EI24: variants seen among roughly 807,000 people sequenced by gnomAD.
The protein encoded by EI24 is EI24 autophagy associated transmembrane protein, also known as etoposide-induced protein 2.4 homolog.
EI24 carries 21 observed loss-of-function variants against 48.6 expected under a neutral mutation model. The ratio of observed to expected loss-of-function variants is 0.43; its 90% CI spans 0.31 to 0.62. The LOEUF is 0.62. EI24 is among the 20% of genes least tolerant of loss of function. The probability of loss-of-function intolerance (pLI) is 0.10; values close to 1 mark genes in which losing one functional copy is unlikely to be tolerated. For synonymous variants in EI24, 114 were observed against 145.5 expected, an observed-to-expected ratio of 0.78 and a Z score of 1.56; for missense variants, 280 against 410.5, an observed-to-expected ratio of 0.68 and a Z score of 2.75.
chr11:125,578,034 C>A (rs1938819445), intron 5 of EI24, 99 bp from the exon 6 acceptor site: 1 of 1,426,594 alleles, frequency 7.0e-7, no homozygotes, highest in South Asian at 1.2e-5. Context: ...CTAGAAAGAT[C>A]CAGGAGGAGA....
At chr11:125,575,983 G>A in intron 3 of EI24, 1 of 429,984 alleles carries the variant, frequency 2.3e-6, no homozygotes, top group Non-Finnish European at 4.3e-6. Context: ...TGGAGACAGG[G>A]TTTTGCCATG....
At chr11:125,578,281 C>T (rs770771291) in intron 6 of EI24, 24 bp downstream of exon 6, 1 of 1,613,386 alleles carries the variant, frequency 6.2e-7, no homozygotes, top group African/African-American at 1.3e-5. Flanking sequence ...AGAATGGAGT[C>T]TGGGTCCCGC....
chr11:125,569,827 G>A (rs1323486304), intron 1 of EI24: 3 of 242,934 alleles, frequency 1.2e-5, no homozygotes, highest in Admixed American at 5.6e-5. Context: ...CGCGTGATCC[G>A]TACCTCGTGC....
At chr11:125,569,734 A>G in intron 1 of EI24, 161 bp downstream of exon 1, 1 of 314,984 alleles carries the variant, frequency 3.2e-6, no homozygotes, top group East Asian at 4.9e-5. Flanking sequence ...GGGGCCGGGC[A>G]CATCCCCGGG....
intron 10 of EI24, 31 bp downstream of exon 10, chr11:125,582,451 T>C (rs995312606): frequency 2.6e-6 from 4 of 1,545,800 alleles, no homozygotes; most frequent in Non-Finnish European, 3.5e-6. Context: ...AAATTTTTGC[T>C]GTGTAAAGGG....
chr11:125,583,692 C>A lies in EI24; in HGVS notation c.*9C>A. Reference sequence around the variant, plus strand: ...CTACTGCAGGTCACTGAGTTGCCTGCCATCCAAAGGGGATGGGCGGGATTG... The same window carrying A: ...CTACTGCAGGTCACTGAGTTGCCTGACATCCAAAGGGGATGGGCGGGATTG... On this transcript the variant is annotated 3_prime_UTR_variant, in exon 11 of 11. Transcript: ENST00000278903. The A allele has an allele frequency of 6.2e-7, 1 of 1,610,210 alleles. No homozygotes were observed. Among genetic ancestry groups the A allele is most frequent in the South Asian group, 1.1e-5 (1 of 90,288 alleles).
intron 9 of EI24, among the ~76,000 whole-genome samples, 179 bp downstream of exon 9, chr11:125,581,501 T>C (rs1310972154): frequency 6.6e-6 from 1 of 151,132 alleles, no homozygotes; most frequent in Non-Finnish European, 1.5e-5. Flanking sequence ...CTATATCCCA[T>C]ATTCTTTTTC....
intron 10 of EI24, among the ~76,000 whole-genome samples, 172 bp downstream of exon 10, chr11:125,582,592 A>G (rs1162906552): frequency 6.6e-6 from 1 of 152,220 alleles, no homozygotes; most frequent in Non-Finnish European, 1.5e-5. Context: ...TTCTCCATGC[A>G]TATATGCACA....
intron 3 of EI24, chr11:125,576,004 T>C (rs1938735095): frequency 2.1e-6 from 1 of 474,492 alleles, no homozygotes; most frequent in African/African-American, 2.0e-5. Context: ...TTGGCCAGGC[T>C]GGTCTCGAAC....
At chr11:125,582,461 G>A in intron 10 of EI24, 41 bp downstream of exon 10, 1 of 1,471,262 alleles carries the variant, frequency 6.8e-7, no homozygotes, top group South Asian at 1.3e-5. Context: ...TGTGTAAAGG[G>A]TTGGGGCTGT....
chr11:125,572,386 T>C (rs900535922), intron 1 of EI24, 72 bp from the exon 2 acceptor site: 9 of 727,568 alleles, frequency 1.2e-5, no homozygotes, highest in South Asian at 3.2e-5. Context: ...GAGGTCATCA[T>C]GTGGAAATGT....
intron 5 of EI24, 117 bp downstream of exon 5, chr11:125,577,687 T>C: frequency 1.1e-6 from 1 of 880,366 alleles, no homozygotes; most frequent in Middle Eastern, 3.4e-4. Context: ...TTATTTTCTT[T>C]TTTGTTGTTT....
rs760187063 is a variant in EI24, at chr11:125,583,725, C to G, written c.*42C>G. The G allele has an allele frequency of 1.4e-5, 22 of 1,590,648 alleles. No individual in the cohort carries two copies. In the East Asian group the frequency reaches 4.8e-4, roughly 35 times the overall value. Reference sequence around the variant, plus strand: ...AGGGGATGGGCGGGATTGGAAGAAGCTGTGGCAGCTCTTTTCCCTGTTCAC... The same window carrying G: ...AGGGGATGGGCGGGATTGGAAGAAGGTGTGGCAGCTCTTTTCCCTGTTCAC... On this transcript the variant is annotated 3_prime_UTR_variant, in exon 11 of 11. Transcript: ENST00000278903.
intron 8 of EI24, among the ~76,000 whole-genome samples, 166 bp downstream of exon 8, chr11:125,580,370 C>T (rs890380831): frequency 7.9e-5 from 12 of 152,158 alleles, no homozygotes; most frequent in Non-Finnish European, 1.6e-4. Context: ...GGGTTTAACT[C>T]TCAACTTTGA....
chr11:125,583,935 C>T lies in EI24; in HGVS notation c.*252C>T, dbSNP rs12420150. ...CCACAGGTTTTTCTGCAGCTATTTT[C>T]TAGCATTTGCCAGTCCCTGTGCCTG... On this transcript the variant is annotated 3_prime_UTR_variant, in exon 11 of 11. Transcript: ENST00000278903. 1 of 511,770 alleles carries T rather than the reference C, an allele frequency of 2.0e-6. No homozygotes were observed. Among genetic ancestry groups the T allele is most frequent in the East Asian group, 3.7e-5 (1 of 27,108 alleles). The allele number at this position is 511,770 out of a possible 1,614,324, so 31.7% of individuals were successfully genotyped here.
In EI24 at chr11:125,582,339, T is replaced by A. The variant is rs1281695570; in HGVS notation, c.786-7T>A. The A allele has an allele frequency of 2.0e-6, 3 of 1,533,936 alleles. No individual in the cohort carries two copies. The highest frequency in any genetic ancestry group is 1.8e-6 in the Non-Finnish European group (2 of 1,142,344). ...ACTAATTATTTCTTTTTTTTTTTTT[T>A]AAACAGTGGCTGCCTTTTCTCTATC... is the stretch of plus-strand genomic sequence containing the variant. On this transcript the variant is annotated splice_region_variant and splice_polypyrimidine_tract_variant and intron_variant, in intron 9 of 10. Coordinates refer to ENST00000278903, the MANE Select transcript of EI24 (RefSeq NM_004879.5).
At position 125,576,221 on chromosome 11, in the gene EI24, G is replaced by A. The variant is rs377304457; in HGVS notation, c.189-34G>A. 1,269 of 1,596,504 alleles carry A rather than the reference G, an allele frequency of 7.9e-4. 1 individual carries two copies. Among genetic ancestry groups the A allele is most frequent in the Non-Finnish European group, 9.9e-4 (1,150 of 1,166,062 alleles). On this transcript the variant is annotated intron_variant, in intron 3 of 10. Transcript: ENST00000278903. The stretch of plus-strand genomic sequence containing the variant: ...GAATGACAATTAGGAAATAACTTAT[G>A]CTTTATAAACTAAATACATGTGATC...
At chr11:125,580,987 G>C (rs1000211018) in intron 8 of EI24, 4 of 158,126 alleles carry the variant, frequency 2.5e-5, no homozygotes, top group African/African-American at 9.6e-5. Context: ...TGAGGTGGGA[G>C]AATCGCTTGA....
chr11:125,581,407 C>T (rs894473634), intron 9 of EI24, 85 bp downstream of exon 9: 17 of 767,588 alleles, frequency 2.2e-5, no homozygotes, highest in Middle Eastern at 2.4e-4. Flanking sequence ...CGTTCTGTTT[C>T]GCATTCTACA....
Sources: gnomAD v4.1 joint callset for allele counts (sites outside exome capture counted in the v4.1 genomes callset) on GRCh38, gnomAD v4.1.1 for gene constraint, MANE v1.5 for transcripts, NCBI Gene and HGNC (gene_info 2026-07-23, HGNC 2026-07-21) for gene names.